Variants in THSD7B observed in about 807,000 individuals in gnomAD.
THSD7B encodes the protein thrombospondin type 1 domain containing 7B.
In THSD7B, 138 loss-of-function variants were observed where a neutral mutation model predicts 213.6. The observed-to-expected ratio is 0.65, with a 90% confidence interval of 0.56 to 0.74. THSD7B has a LOEUF of 0.74. Among genes scored for constraint, THSD7B ranks in the 30% least tolerant of loss-of-function variants. THSD7B has a pLI of 0.00. For missense variants in THSD7B, 1,931 were observed against 1,991.5 expected, an observed-to-expected ratio of 0.97 and a Z score of 0.58; for synonymous variants, 742 against 687.0, an observed-to-expected ratio of 1.08 and a Z score of -1.25.
At chr2:137,289,953 G>A (rs2602348) in intron 12 of THSD7B, among the ~76,000 whole-genome samples, 94,189 of 151,632 alleles carry the variant, frequency 0.62, 29,942 homozygotes, top group East Asian at 0.94. Flanking sequence ...CTAAACTCCA[G>A]GCGAAACTCA....
intron 2 of THSD7B, among the ~76,000 whole-genome samples, chr2:136,900,056 T>A (rs1164524077): frequency 6.6e-6 from 1 of 152,208 alleles, no homozygotes; most frequent in African/African-American, 2.4e-5. Context: ...TGGCTCCAGA[T>A]GCAGTGAGAG....
At chr2:136,913,068 T>C (rs1049754286) in intron 2 of THSD7B, among the ~76,000 whole-genome samples, 1 of 152,222 alleles carries the variant, frequency 6.6e-6, no homozygotes, top group African/African-American at 2.4e-5. Flanking sequence ...TTGTGCCAAA[T>C]GCTGATAGTG....
chr2:137,160,767 G>T (rs1051429818), intron 6 of THSD7B, among the ~76,000 whole-genome samples: 2 of 152,132 alleles, frequency 1.3e-5, no homozygotes, highest in Non-Finnish European at 1.5e-5. Context: ...GGGATTACAG[G>T]TGCTTGCAAC....
chr2:136,883,635 A>T (rs1683663912), intron 2 of THSD7B, among the ~76,000 whole-genome samples: 1 of 152,174 alleles, frequency 6.6e-6, no homozygotes, highest in Non-Finnish European at 1.5e-5. Context: ...TTAAAATGGA[A>T]AGTGGCAAAT....
intron 12 of THSD7B, among the ~76,000 whole-genome samples, chr2:137,395,644 T>C (rs200816163): frequency 0.23 from 34,265 of 151,916 alleles, 4,022 homozygotes; most frequent in South Asian, 0.27. Flanking sequence ...TGTGTCTCTG[T>C]CCAGCTTTGG....
intron 12 of THSD7B, among the ~76,000 whole-genome samples, chr2:137,343,748 G>A (rs1244630065): frequency 6.6e-6 from 1 of 151,782 alleles, no homozygotes; most frequent in Non-Finnish European, 1.5e-5. Flanking sequence ...TTAGAAGAGA[G>A]CACATTTCCA....
intron 4 of THSD7B, 61 bp downstream of exon 4, chr2:137,095,182 T>C (rs1412157702): frequency 6.3e-7 from 1 of 1,583,084 alleles, no homozygotes; most frequent in Non-Finnish European, 8.6e-7. Context: ...TGTAGGAATG[T>C]TAACAGTAAT....
intron 2 of THSD7B, among the ~76,000 whole-genome samples, chr2:137,022,773 G>A (rs560816532): frequency 1.3e-5 from 2 of 152,158 alleles, no homozygotes; most frequent in South Asian, 4.1e-4. Flanking sequence ...GTTTTATTTA[G>A]TGCATGGGTC....
In THSD7B at chr2:137,677,149, C is replaced by CTGAG. The variant is rs1191401682; in HGVS notation, c.*546_*549dup. 2 of 152,626 alleles carry CTGAG rather than the reference C, an allele frequency of 1.3e-5. No individual in the cohort carries two copies. The highest frequency in any genetic ancestry group is 2.4e-5 in the African/African-American group (1 of 41,436). 9.5% of individuals were successfully genotyped at this position (152,626 alleles called of 1,614,324 possible). A position where few individuals can be genotyped will look rare whatever the true frequency, so the allele number is the denominator to read the frequency against. On this transcript the variant is annotated 3_prime_UTR_variant, in exon 28 of 28. Transcript: ENST00000409968. ...AATGGATTACCATTTCAGAAATTCT[C>CTGAG]TGAGTTTTTAACCTTTAAATATTGT...
intron 4 of THSD7B, among the ~76,000 whole-genome samples, chr2:137,096,118 C>T (rs755671302): frequency 2.9e-4 from 44 of 152,112 alleles, no homozygotes; most frequent in Non-Finnish European, 5.4e-4. Flanking sequence ...TGATAACAGA[C>T]AGAAATCTGT....
intron 10 of THSD7B, among the ~76,000 whole-genome samples, chr2:137,247,834 T>G (rs1390646963): frequency 6.6e-6 from 1 of 152,180 alleles, no homozygotes; most frequent in Admixed American, 6.5e-5. Context: ...TTAGATTTCC[T>G]TGATTCAAAT....
chr2:137,524,302 G>A (rs970100917), intron 15 of THSD7B, among the ~76,000 whole-genome samples: 3 of 152,080 alleles, frequency 2.0e-5, no homozygotes, highest in African/African-American at 7.2e-5. Context: ...AATTCGTCAT[G>A]TGGAACTGCC....
intron 1 of THSD7B, among the ~76,000 whole-genome samples, chr2:136,796,860 CAT>C (rs1283178628): frequency 6.6e-6 from 1 of 151,700 alleles, no homozygotes; most frequent in Non-Finnish European, 1.5e-5. Context: ...AAATTATAAA[CAT>C]AACTTTCTCT....
chr2:137,325,569 G>A (rs542825203), intron 12 of THSD7B, among the ~76,000 whole-genome samples: 10 of 152,124 alleles, frequency 6.6e-5, no homozygotes, highest in African/African-American at 2.4e-4. Flanking sequence ...AGCTAAATGA[G>A]ATAACTCACA....
chr2:137,434,828 G>A (rs1687259075), intron 14 of THSD7B, among the ~76,000 whole-genome samples: 2 of 151,974 alleles, frequency 1.3e-5, no homozygotes, highest in South Asian at 2.1e-4. Flanking sequence ...ACTTTTACTT[G>A]TTCATTTATT....
chr2:137,328,217 A>T (rs1394986823), intron 12 of THSD7B, among the ~76,000 whole-genome samples: 1 of 152,220 alleles, frequency 6.6e-6, no homozygotes, highest in African/African-American at 2.4e-5. Context: ...TAATATTTTC[A>T]TTAAATTTGC....
chr2:137,250,578 A>T (rs1682149668), intron 10 of THSD7B, among the ~76,000 whole-genome samples: 1 of 152,220 alleles, frequency 6.6e-6, no homozygotes, highest in Non-Finnish European at 1.5e-5. Context: ...CTAAGCTCTT[A>T]ACCACTTAAC....
chr2:137,018,909 A>G lies in THSD7B; in HGVS notation c.140-37511A>G, dbSNP rs117941117. Among the ~76,000 whole-genome samples the G allele has an allele frequency of 1.8e-4, 28 of 151,990 alleles. No homozygotes were observed. In the East Asian group the frequency reaches 5.2e-3, roughly 28 times the overall value. ...TCTACCCAGACTCTTTCCTCTGCAA[A>G]TTTACTGTTTTGTTTGTTTGTTTTT... On this transcript the variant is annotated intron_variant, in intron 2 of 27. Transcript: ENST00000409968.
chr2:137,355,562 AG>A (rs1206797669), intron 12 of THSD7B, among the ~76,000 whole-genome samples: 19 of 152,302 alleles, frequency 1.2e-4, no homozygotes, highest in Admixed American at 1.1e-3. Flanking sequence ...CAGACCTGAG[AG>A]GGGACCAGAG....
Sources: gnomAD v4.1 joint callset for allele counts (sites outside exome capture counted in the v4.1 genomes callset) on GRCh38, gnomAD v4.1.1 for gene constraint, MANE v1.5 for transcripts, NCBI Gene and HGNC (gene_info 2026-07-23, HGNC 2026-07-21) for gene names.